Variants in LRRTM4 observed in about 807,000 individuals in gnomAD.
LRRTM4 encodes leucine rich repeat transmembrane neuronal 4.
In LRRTM4, 25 loss-of-function variants were observed where a neutral mutation model predicts 47.6. The observed-to-expected ratio is 0.53, with a 90% CI of 0.38 to 0.73. The LOEUF (loss-of-function observed/expected upper bound fraction) is 0.73, where lower values mean the gene tolerates loss of function less well. Among genes scored for constraint, LRRTM4 ranks in the 30% least tolerant of loss-of-function variants. LRRTM4 has a pLI of 0.00. For missense variants in LRRTM4, 638 were observed against 713.4 expected, an observed-to-expected ratio of 0.89 and a Z score of 1.20; for synonymous variants, 311 against 269.5, an observed-to-expected ratio of 1.15 and a Z score of -1.51.
At chr2:77,001,673 G>A (rs1384330584) in intron 3 of LRRTM4, among the ~76,000 whole-genome samples, 3 of 151,966 alleles carry the variant, frequency 2.0e-5, no homozygotes, top group Non-Finnish European at 4.4e-5. Context: ...TCCAATACAG[G>A]CCATGTAAGG....
chr2:76,787,893 T>C (rs1453336986), intron 3 of LRRTM4, among the ~76,000 whole-genome samples: 4 of 152,170 alleles, frequency 2.6e-5, no homozygotes, highest in Non-Finnish European at 5.9e-5. Context: ...CCAATTAGAA[T>C]ATCTGCCTGG....
At chr2:77,006,143 C>T (rs926404390) in intron 3 of LRRTM4, among the ~76,000 whole-genome samples, 3 of 152,120 alleles carry the variant, frequency 2.0e-5, no homozygotes, top group Admixed American at 2.0e-4. Context: ...TTCAACCATG[C>T]TCTTCTGAGA....
At chr2:77,272,698 C>T (rs1341495530) in intron 3 of LRRTM4, among the ~76,000 whole-genome samples, 1 of 152,086 alleles carries the variant, frequency 6.6e-6, no homozygotes, top group Admixed American at 6.6e-5. Context: ...ATAATTTTTA[C>T]ACTTGGTCAC....
intron 3 of LRRTM4, among the ~76,000 whole-genome samples, chr2:76,907,907 C>A (rs1389352314): frequency 6.8e-6 from 1 of 146,508 alleles, no homozygotes; most frequent in African/African-American, 2.6e-5. Flanking sequence ...TGAATTCTAC[C>A]AGAGGTACAA....
At chr2:77,326,320 T>C (rs920714010) in intron 3 of LRRTM4, among the ~76,000 whole-genome samples, 1 of 152,256 alleles carries the variant, frequency 6.6e-6, no homozygotes, top group Admixed American at 6.5e-5. Flanking sequence ...TCTTCTGTTA[T>C]AGGAGCCTCA....
chr2:77,367,138 C>T (rs1043129687), intron 3 of LRRTM4, among the ~76,000 whole-genome samples: 1 of 151,722 alleles, frequency 6.6e-6, no homozygotes, highest in Non-Finnish European at 1.5e-5. Flanking sequence ...CTTGGAATGA[C>T]CTTCCTTGCC....
intron 3 of LRRTM4, among the ~76,000 whole-genome samples, chr2:77,071,834 C>G (rs1023585632): frequency 2.0e-5 from 3 of 152,110 alleles, no homozygotes; most frequent in African/African-American, 7.2e-5. Context: ...AAACAGGATC[C>G]AAAACCCAGC....
intron 3 of LRRTM4, among the ~76,000 whole-genome samples, chr2:77,031,646 A>G (rs770882428): frequency 6.6e-6 from 1 of 152,174 alleles, no homozygotes; most frequent in Non-Finnish European, 1.5e-5. Context: ...ATGCAGTCAC[A>G]TGGTTTAAAA....
At chr2:77,196,183 A>G (rs1410311997) in intron 3 of LRRTM4, among the ~76,000 whole-genome samples, 1 of 152,176 alleles carries the variant, frequency 6.6e-6, no homozygotes, top group South Asian at 2.1e-4. Flanking sequence ...TTTTGAATTT[A>G]CTTTCTTAGT....
At chr2:76,760,075 G>C (rs984245045) in intron 3 of LRRTM4, among the ~76,000 whole-genome samples, 2 of 152,142 alleles carry the variant, frequency 1.3e-5, no homozygotes, top group African/African-American at 4.8e-5. Flanking sequence ...GTATGAATTT[G>C]AGAGATATTT....
intron 3 of LRRTM4, among the ~76,000 whole-genome samples, chr2:77,319,752 A>G (rs754464944): frequency 3.3e-5 from 5 of 152,224 alleles, no homozygotes; most frequent in Non-Finnish European, 5.9e-5. Context: ...AAGGACACCT[A>G]CATTTTGAAA....
intron 3 of LRRTM4, among the ~76,000 whole-genome samples, chr2:77,316,993 A>T (rs1383615567): frequency 6.6e-6 from 1 of 152,218 alleles, no homozygotes; most frequent in African/African-American, 2.4e-5. Context: ...TATTTCTAAT[A>T]ATGAAACTTG....
At chr2:77,033,849 ATTAC>A (rs1482324797) in intron 3 of LRRTM4, among the ~76,000 whole-genome samples, 7 of 152,000 alleles carry the variant, frequency 4.6e-5, no homozygotes, top group Non-Finnish European at 8.8e-5. Context: ...GAGGAGATGG[ATTAC>A]TTAAATGTTA....
intron 3 of LRRTM4, among the ~76,000 whole-genome samples, chr2:77,055,843 T>C (rs1573508979): frequency 6.6e-6 from 1 of 151,742 alleles, no homozygotes; most frequent in Non-Finnish European, 1.5e-5. Flanking sequence ...ATATACACCA[T>C]GGAATACTAT....
chr2:77,309,935 T>A lies in LRRTM4; in HGVS notation c.1551+208383A>T, dbSNP rs139540481. Among the ~76,000 whole-genome samples, 13 of 152,294 alleles carry A rather than the reference T, an allele frequency of 8.5e-5. No homozygotes were observed. The East Asian group carries it at 2.5e-3, about 29-fold the overall frequency. On this transcript the variant is annotated intron_variant, in intron 3 of 3. Coordinates refer to ENST00000409884, the MANE Select transcript of LRRTM4 (RefSeq NM_001134745.3). Reference sequence around the variant, plus strand: ...TTATTGGAATACAGCCACACCATTTTTTTTAACTATTGTCTGTGGCTGCTT... The same window carrying A: ...TTATTGGAATACAGCCACACCATTTATTTTAACTATTGTCTGTGGCTGCTT...
chr2:77,144,987 T>A (rs1672216830), intron 3 of LRRTM4, among the ~76,000 whole-genome samples: 1 of 152,096 alleles, frequency 6.6e-6, no homozygotes, highest in African/African-American at 2.4e-5. Flanking sequence ...TTTTTAAAAA[T>A]GAAATAATGC....
intron 3 of LRRTM4, among the ~76,000 whole-genome samples, chr2:76,977,218 T>G (rs77957019): frequency 0.013 from 2,017 of 151,714 alleles, 45 homozygotes; most frequent in African/African-American, 0.047. Flanking sequence ...CAACCATCCT[T>G]TTTTACAAGA....
chr2:76,756,449 A>G (rs1408738103), intron 3 of LRRTM4, among the ~76,000 whole-genome samples: 1 of 152,150 alleles, frequency 6.6e-6, no homozygotes, highest in South Asian at 2.1e-4. Flanking sequence ...TCTTGGGTTT[A>G]TCTTTTCTCC....
chr2:76,870,239 T>G (rs970373504), intron 3 of LRRTM4, among the ~76,000 whole-genome samples: 1 of 152,184 alleles, frequency 6.6e-6, no homozygotes, highest in Non-Finnish European at 1.5e-5. Flanking sequence ...TGGAAGAATA[T>G]ATAGATTGCA....
Sources: allele counts gnomAD v4.1 joint callset (sites outside exome capture counted in the v4.1 genomes callset), GRCh38; gene constraint gnomAD v4.1.1; transcripts MANE v1.5; gene names NCBI Gene and HGNC (gene_info 2026-07-23, HGNC 2026-07-21).